Variants in RIMS2 observed in about 807,000 individuals in gnomAD.
The protein encoded by RIMS2 is regulating synaptic membrane exocytosis protein 2.
RIMS2 carries 59 observed loss-of-function variants against 174.4 expected under a neutral mutation model. The ratio of observed to expected loss-of-function variants is 0.34; its 90% CI spans 0.27 to 0.42. The LOEUF (loss-of-function observed/expected upper bound fraction) is 0.42, where lower values mean the gene tolerates loss of function less well. Ranked by LOEUF, RIMS2 falls within the 10% of genes least tolerant of loss-of-function variation. The probability of loss-of-function intolerance (pLI) is 1.00; values close to 1 mark genes in which losing one functional copy is unlikely to be tolerated. For missense variants in RIMS2, 1,620 were observed against 1,666.3 expected, an observed-to-expected ratio of 0.97 and a Z score of 0.48; for synonymous variants, 606 against 572.5, an observed-to-expected ratio of 1.06 and a Z score of -0.84.
At chr8:103,972,239 A>G (rs1005506864) in intron 15 of RIMS2, among the ~76,000 whole-genome samples, 1 of 152,166 alleles carries the variant, frequency 6.6e-6, no homozygotes, top group Admixed American at 6.6e-5. Context: ...CTTTTCCACC[A>G]AACCATGTCA....
At chr8:103,545,293 C>T (rs924684347) in intron 1 of RIMS2, among the ~76,000 whole-genome samples, 4 of 152,002 alleles carry the variant, frequency 2.6e-5, no homozygotes, top group African/African-American at 7.3e-5. Flanking sequence ...GAAAGACCAG[C>T]TCTCTGAAAT....
intron 1 of RIMS2, among the ~76,000 whole-genome samples, chr8:103,501,976 G>C (rs1166315160): frequency 2.6e-5 from 4 of 152,154 alleles, no homozygotes; most frequent in Admixed American, 2.6e-4. Context: ...GTAGCAAAGA[G>C]ATTTGTTTCT....
At chr8:103,640,328 G>A (rs2096201120) in intron 1 of RIMS2, among the ~76,000 whole-genome samples, 1 of 151,832 alleles carries the variant, frequency 6.6e-6, no homozygotes, top group Non-Finnish European at 1.5e-5. Context: ...TCTTTTCAAA[G>A]AGGTGGCTTT....
chr8:103,686,563 A>G (rs1335032429), intron 1 of RIMS2, among the ~76,000 whole-genome samples: 1 of 152,140 alleles, frequency 6.6e-6, no homozygotes, highest in Non-Finnish European at 1.5e-5. Flanking sequence ...TTTTTAGGTA[A>G]TCATATTAAT....
intron 1 of RIMS2, among the ~76,000 whole-genome samples, chr8:103,689,801 C>T (rs1408975417): frequency 1.3e-5 from 2 of 152,094 alleles, no homozygotes; most frequent in Non-Finnish European, 2.9e-5. Context: ...GTATAAACTA[C>T]TGATATCTTG....
intron 3 of RIMS2, among the ~76,000 whole-genome samples, chr8:103,854,565 T>A (rs2099016870): frequency 1.3e-5 from 2 of 151,760 alleles, no homozygotes; most frequent in Admixed American, 6.6e-5. Flanking sequence ...TTTTTTTTTT[T>A]AATCATGAAG....
At position 104,223,591 on chromosome 8, in the gene RIMS2, C is replaced by T. The variant is rs1453627117; in HGVS notation, c.3335-21325C>T. The T allele has an allele frequency of 7.4e-6, 11 of 1,495,868 alleles. No individual in the cohort carries two copies. The South Asian group carries it at 1.0e-4, about 14-fold the overall frequency. The allele number at this position is 1,495,868 out of a possible 1,614,324, so 92.7% of individuals were successfully genotyped here. A position where few individuals can be genotyped will look rare whatever the true frequency, so the allele number is the denominator to read the frequency against. On this transcript the variant is annotated intron_variant, in intron 19 of 23. Transcript: ENST00000504942. ...GGTCCCGGAACCGCTGCGGACGCTG[C>T]GCCCCAGCCGCCAAGACGCCGCGTA...
At chr8:104,102,824 A>C (rs2097931057) in intron 19 of RIMS2, among the ~76,000 whole-genome samples, 1 of 152,142 alleles carries the variant, frequency 6.6e-6, no homozygotes, top group Non-Finnish European at 1.5e-5. Context: ...CCTCCCACCC[A>C]ATCCCTCCAA....
intron 19 of RIMS2, among the ~76,000 whole-genome samples, chr8:104,214,148 C>T (rs975828874): frequency 1.3e-5 from 2 of 152,120 alleles, no homozygotes; most frequent in South Asian, 2.1e-4. Context: ...CAAGGAGAAG[C>T]ATTACAGCAT....
At chr8:104,094,835 T>C in intron 19 of RIMS2, 1 of 585,634 alleles carries the variant, frequency 1.7e-6, no homozygotes, top group Non-Finnish European at 3.0e-6. Flanking sequence ...TTGTGTTTTA[T>C]CTATTTAGCT....
At chr8:103,968,259 C>T (rs2092384753) in intron 15 of RIMS2, among the ~76,000 whole-genome samples, 3 of 152,068 alleles carry the variant, frequency 2.0e-5, no homozygotes, top group South Asian at 2.1e-4. Flanking sequence ...GTTTCTTATA[C>T]AGTTGAGCCT....
intron 1 of RIMS2, among the ~76,000 whole-genome samples, chr8:103,582,519 G>T (rs982168098): frequency 1.3e-5 from 2 of 152,138 alleles, no homozygotes; most frequent in African/African-American, 4.8e-5. Context: ...ACTCTTAGAT[G>T]GTATTTCTGG....
intron 1 of RIMS2, among the ~76,000 whole-genome samples, chr8:103,636,780 A>ACCCCCTC (rs1564110891): frequency 1.8e-5 from 1 of 56,450 alleles, no homozygotes; most frequent in African/African-American, 7.7e-5. Context: ...TCTATAACCC[A>ACCCCCTC]CCCCCGCACC....
chr8:103,577,642 T>A (rs925905827), intron 1 of RIMS2, among the ~76,000 whole-genome samples: 1 of 152,202 alleles, frequency 6.6e-6, no homozygotes, highest in Non-Finnish European at 1.5e-5. Context: ...ATACAGTTAC[T>A]GTGTGATCTA....
intron 1 of RIMS2, among the ~76,000 whole-genome samples, chr8:103,625,807 C>T (rs2095766816): frequency 6.6e-6 from 1 of 151,900 alleles, no homozygotes; most frequent in South Asian, 2.1e-4. Flanking sequence ...GGCTTTGTAA[C>T]ATTATTCTGC....
intron 1 of RIMS2, among the ~76,000 whole-genome samples, chr8:103,610,934 G>C (rs1444545110): frequency 6.6e-6 from 1 of 152,108 alleles, no homozygotes; most frequent in South Asian, 2.1e-4. Flanking sequence ...TAGAATTCAG[G>C]CGTGAATCCT....
intron 19 of RIMS2, among the ~76,000 whole-genome samples, chr8:104,218,327 G>A (rs2044529): frequency 0.32 from 48,901 of 151,634 alleles, 8,060 homozygotes; most frequent in African/African-American, 0.39. Context: ...CTTCCCAGAG[G>A]GACTTTCTTT....
chr8:104,107,726 T>C (rs777914660), intron 19 of RIMS2, among the ~76,000 whole-genome samples: 1 of 152,164 alleles, frequency 6.6e-6, no homozygotes, highest in Admixed American at 6.5e-5. Context: ...GGCAAGAGGA[T>C]TGCTTGAGCC....
At chr8:104,132,081 A>G (rs1036768458) in intron 19 of RIMS2, among the ~76,000 whole-genome samples, 2 of 152,168 alleles carry the variant, frequency 1.3e-5, no homozygotes, top group African/African-American at 4.8e-5. Flanking sequence ...AATCAAATGC[A>G]TATGCACATT....
Sources: allele counts gnomAD v4.1 joint callset (sites outside exome capture counted in the v4.1 genomes callset), GRCh38; gene constraint gnomAD v4.1.1; transcripts MANE v1.5; gene names NCBI Gene and HGNC (gene_info 2026-07-23, HGNC 2026-07-21).